PEX5L: variants seen among roughly 807,000 people sequenced by gnomAD.
PEX5L encodes the protein peroxisomal biogenesis factor 5 like.
A neutral mutation model predicts 84.0 loss-of-function variants in PEX5L; 30 were observed. The ratio of observed to expected loss-of-function variants is 0.36; its 90% CI spans 0.27 to 0.48. The LOEUF (loss-of-function observed/expected upper bound fraction) is 0.48, where lower values mean the gene tolerates loss of function less well. PEX5L is among the 20% of genes least tolerant of loss of function. PEX5L has a pLI of 0.99. For missense variants in PEX5L, 533 were observed against 754.6 expected, an observed-to-expected ratio of 0.71 and a Z score of 3.44; for synonymous variants, 270 against 283.1, an observed-to-expected ratio of 0.95 and a Z score of 0.46.
At chr3:179,966,002 A>G (rs1166222600) in intron 2 of PEX5L, among the ~76,000 whole-genome samples, 3 of 152,194 alleles carry the variant, frequency 2.0e-5, no homozygotes, top group Non-Finnish European at 4.4e-5. Flanking sequence ...TTGGACTGCA[A>G]CAGTGAATCT....
chr3:179,982,102 A>G (rs1249990095), intron 1 of PEX5L, among the ~76,000 whole-genome samples: 1 of 152,208 alleles, frequency 6.6e-6, no homozygotes, highest in Non-Finnish European at 1.5e-5. Flanking sequence ...TTAACGTATC[A>G]GAGGACAAAA....
At chr3:179,948,339 T>C (rs1453767558) in intron 2 of PEX5L, among the ~76,000 whole-genome samples, 2 of 152,236 alleles carry the variant, frequency 1.3e-5, no homozygotes, top group African/African-American at 4.8e-5. Flanking sequence ...GTCTTCCTTC[T>C]TGAAGGATTT....
At chr3:179,810,563 A>T (rs1723380339) in intron 11 of PEX5L, among the ~76,000 whole-genome samples, 1 of 152,138 alleles carries the variant, frequency 6.6e-6, no homozygotes, top group Non-Finnish European at 1.5e-5. Flanking sequence ...CTTCATTCTC[A>T]TCCAGTAGGT....
chr3:179,977,762 G>A (rs1785946847), intron 1 of PEX5L, among the ~76,000 whole-genome samples: 1 of 152,108 alleles, frequency 6.6e-6, no homozygotes, highest in Non-Finnish European at 1.5e-5. Flanking sequence ...ATTTTCTGAA[G>A]GGAAATTATT....
chr3:179,950,882 C>T (rs552621579), intron 2 of PEX5L, among the ~76,000 whole-genome samples: 153 of 152,216 alleles, frequency 1.0e-3, no homozygotes, highest in African/African-American at 3.4e-3. Context: ...GAAACGGAGA[C>T]GTAAGAGGAG....
chr3:179,855,625 G>A (rs985782940), intron 8 of PEX5L, among the ~76,000 whole-genome samples: 7 of 152,120 alleles, frequency 4.6e-5, no homozygotes, highest in Admixed American at 3.3e-4. Flanking sequence ...CCTCAAATTC[G>A]TATGTTGAAA....
intron 2 of PEX5L, among the ~76,000 whole-genome samples, chr3:179,919,943 T>C: frequency 6.6e-6 from 1 of 152,220 alleles, no homozygotes; most frequent in East Asian, 1.9e-4. Flanking sequence ...CCTCAAGTGA[T>C]GCACCTGCCT....
chr3:179,883,976 G>A (rs957301508), intron 4 of PEX5L, among the ~76,000 whole-genome samples: 5 of 152,204 alleles, frequency 3.3e-5, no homozygotes, highest in African/African-American at 1.2e-4. Context: ...GTAGATATAT[G>A]AGGTTGGAAA....
At chr3:179,898,311 A>T in intron 2 of PEX5L, 65 bp from the exon 3 acceptor site, 1 of 1,152,500 alleles carries the variant, frequency 8.7e-7, no homozygotes, top group Non-Finnish European at 1.3e-6. Flanking sequence ...TTATTACAAG[A>T]TATTCTAATG....
At chr3:180,011,775 C>T (rs1172572970) in intron 1 of PEX5L, among the ~76,000 whole-genome samples, 5 of 152,218 alleles carry the variant, frequency 3.3e-5, no homozygotes, top group Non-Finnish European at 7.3e-5. Context: ...CTCCTGCTCC[C>T]TTCCCTTTTT....
chr3:179,931,337 A>AT (rs964828763), intron 2 of PEX5L, among the ~76,000 whole-genome samples: 2 of 151,890 alleles, frequency 1.3e-5, no homozygotes, highest in Non-Finnish European at 2.9e-5. Flanking sequence ...AATCCATTCC[A>AT]TTTTTTTTGA....
intron 1 of PEX5L, among the ~76,000 whole-genome samples, chr3:179,982,118 T>C (rs1416146052): frequency 1.3e-5 from 2 of 152,162 alleles, no homozygotes; most frequent in Non-Finnish European, 2.9e-5. Context: ...CAAAACCTTA[T>C]AATGGGGAAA....
At chr3:180,007,386 C>T (rs1789005115) in intron 1 of PEX5L, among the ~76,000 whole-genome samples, 1 of 152,256 alleles carries the variant, frequency 6.6e-6, no homozygotes, top group South Asian at 2.1e-4. Flanking sequence ...GCTGCTTTCA[C>T]AGGCTGGCAT....
intron 1 of PEX5L, among the ~76,000 whole-genome samples, chr3:180,034,540 T>C (rs1791727334): frequency 6.6e-6 from 1 of 152,130 alleles, no homozygotes; most frequent in Non-Finnish European, 1.5e-5. Context: ...AAGTATATTA[T>C]GAATCAATCT....
chr3:179,867,366 C>A (rs546318686), intron 7 of PEX5L, among the ~76,000 whole-genome samples: 3 of 152,124 alleles, frequency 2.0e-5, no homozygotes, highest in African/African-American at 4.8e-5. Flanking sequence ...TTGTTAGGAT[C>A]CCTTATTTTC....
At chr3:179,915,696 C>T (rs1231245231) in intron 2 of PEX5L, among the ~76,000 whole-genome samples, 1 of 152,052 alleles carries the variant, frequency 6.6e-6, no homozygotes, top group African/African-American at 2.4e-5. Flanking sequence ...TAAAGGTCAC[C>T]CCTGGAGAAG....
Position 179,859,175 on chromosome 3 carries a change from C to G in PEX5L, c.727-18G>C. ...AGTCGAGCCTGAAATCAATCATACA[C>G]ATAGTGTTATAATATTAGAATCACA... On this transcript the variant is annotated intron_variant, in intron 7 of 14. Transcript: ENST00000467460. The G allele has an allele frequency of 6.4e-7, 1 of 1,550,712 alleles. No individual in the cohort carries two copies. The highest frequency in any genetic ancestry group is 8.9e-7 in the Non-Finnish European group (1 of 1,122,444).
chr3:179,847,359 C>T (rs1305068041), intron 8 of PEX5L, among the ~76,000 whole-genome samples: 1 of 151,944 alleles, frequency 6.6e-6, no homozygotes, highest in East Asian at 1.9e-4. Context: ...TGGAGAACCC[C>T]GACTAATATA....
At chr3:179,916,608 TC>T (rs1767198377) in intron 2 of PEX5L, among the ~76,000 whole-genome samples, 1 of 152,118 alleles carries the variant, frequency 6.6e-6, no homozygotes, top group South Asian at 2.1e-4. Flanking sequence ...TTTTCTTTCC[TC>T]AATAATTAAA....
Sources: allele counts gnomAD v4.1 joint callset (sites outside exome capture counted in the v4.1 genomes callset), GRCh38; gene constraint gnomAD v4.1.1; transcripts MANE v1.5; gene names NCBI Gene and HGNC (gene_info 2026-07-23, HGNC 2026-07-21).